MCC: variants seen among roughly 807,000 people sequenced by gnomAD.
MCC encodes the protein MCC regulator of Wnt signaling pathway, also known as colorectal mutant cancer protein.
MCC carries 90 observed loss-of-function variants against 116.2 expected under a neutral mutation model. The observed-to-expected ratio is 0.77, with a 90% confidence interval of 0.65 to 0.92. The LOEUF (loss-of-function observed/expected upper bound fraction) is 0.92. Ranked by LOEUF, MCC falls within the 40% of genes least tolerant of loss-of-function variation. The pLI, the probability that MCC is intolerant of heterozygous loss-of-function variation, is 0.00. For synonymous variants in MCC, 578 were observed against 510.5 expected, an observed-to-expected ratio of 1.13 and a Z score of -1.78; for missense variants, 1,516 against 1,312.2, an observed-to-expected ratio of 1.16 and a Z score of -2.40.
intron 1 of MCC, among the ~76,000 whole-genome samples, chr5:113,479,809 T>C (rs759933387): frequency 1.3e-5 from 2 of 152,230 alleles, no homozygotes; most frequent in East Asian, 1.9e-4. Flanking sequence ...TATGGTTTCA[T>C]TGTAGCTTTG....
At chr5:113,372,477 C>A (rs1208424537) in intron 2 of MCC, among the ~76,000 whole-genome samples, 1 of 152,086 alleles carries the variant, frequency 6.6e-6, no homozygotes, top group Non-Finnish European at 1.5e-5. Flanking sequence ...ATCCAGTGAC[C>A]TTGTACATGT....
chr5:113,114,476 C>T (rs1252128208), intron 6 of MCC, among the ~76,000 whole-genome samples: 4 of 152,288 alleles, frequency 2.6e-5, no homozygotes, highest in East Asian at 1.9e-4. Flanking sequence ...AGGTCCCTGG[C>T]GAAGCCCCAC....
intron 11 of MCC, among the ~76,000 whole-genome samples, chr5:113,075,694 C>T (rs566417862): frequency 4.3e-4 from 65 of 151,972 alleles, no homozygotes; most frequent in African/African-American, 1.5e-3. Flanking sequence ...GTGGGTGGGA[C>T]GAGATAAGGG....
chr5:113,474,339 A>G (rs1050930849), intron 1 of MCC, among the ~76,000 whole-genome samples: 1 of 152,218 alleles, frequency 6.6e-6, no homozygotes, highest in African/African-American at 2.4e-5. Context: ...ATATGGAAAC[A>G]GCCTAGAAAA....
At chr5:113,099,427 T>C (rs1432163711) in intron 8 of MCC, among the ~76,000 whole-genome samples, 1 of 152,246 alleles carries the variant, frequency 6.6e-6, no homozygotes, top group Non-Finnish European at 1.5e-5. Flanking sequence ...AATGACAGGA[T>C]GGTGTTCAAC....
chr5:113,126,727 G>C (rs1431792987), intron 5 of MCC, among the ~76,000 whole-genome samples: 1 of 152,198 alleles, frequency 6.6e-6, no homozygotes, highest in Non-Finnish European at 1.5e-5. Flanking sequence ...ACTAGTCTAT[G>C]TGTTAATTGA....
chr5:113,474,047 G>C (rs1772167982), intron 1 of MCC, among the ~76,000 whole-genome samples: 1 of 152,132 alleles, frequency 6.6e-6, no homozygotes, highest in South Asian at 2.1e-4. Flanking sequence ...TTTTAGATTA[G>C]GTAAAATGCA....
chr5:113,073,122 T>C (rs1454307770), intron 11 of MCC, among the ~76,000 whole-genome samples: 1 of 151,920 alleles, frequency 6.6e-6, no homozygotes, highest in African/African-American at 2.4e-5. Context: ...TTTGTGTTAG[T>C]GTATTTTATG....
At chr5:113,103,721 C>G (rs1167213857) in intron 7 of MCC, among the ~76,000 whole-genome samples, 1 of 152,142 alleles carries the variant, frequency 6.6e-6, no homozygotes, top group East Asian at 1.9e-4. Flanking sequence ...TATCAGTAAG[C>G]CTTGACTTTC....
chr5:113,071,272 C>G (rs780003863), intron 11 of MCC, 38 bp from the exon 12 acceptor site: 1 of 1,597,378 alleles, frequency 6.3e-7, no homozygotes, highest in South Asian at 1.1e-5. Context: ...ACTAGGGTTA[C>G]AGTTAATTTG....
intron 5 of MCC, among the ~76,000 whole-genome samples, chr5:113,130,493 A>G (rs937472962): frequency 1.1e-4 from 16 of 152,192 alleles, no homozygotes; most frequent in Non-Finnish European, 1.0e-4. Context: ...AATGAAAAAA[A>G]GGCAATATAC....
chr5:113,041,767 G>A (rs1408114297), intron 17 of MCC, among the ~76,000 whole-genome samples: 3 of 152,240 alleles, frequency 2.0e-5, no homozygotes, highest in African/African-American at 7.2e-5. Flanking sequence ...GGCCAAGGCG[G>A]TTGGATCACA....
chr5:113,192,531 GAC>G (rs1464827225), intron 3 of MCC, among the ~76,000 whole-genome samples: 2 of 152,200 alleles, frequency 1.3e-5, no homozygotes, highest in Non-Finnish European at 2.9e-5. Context: ...GTGGATTAAA[GAC>G]ACACATGCAT....
At chr5:113,299,755 G>A (rs1349768954) in intron 3 of MCC, among the ~76,000 whole-genome samples, 1 of 152,230 alleles carries the variant, frequency 6.6e-6, no homozygotes, top group East Asian at 1.9e-4. Context: ...CTTCAGCAGG[G>A]ATTAAGCTCC....
At chr5:113,265,611 C>T (rs907538945) in intron 3 of MCC, among the ~76,000 whole-genome samples, 4 of 152,090 alleles carry the variant, frequency 2.6e-5, no homozygotes, top group African/African-American at 9.7e-5. Flanking sequence ...ATGAACACAC[C>T]CCCTTTTCAT....
At chr5:113,054,019 G>C in intron 14 of MCC, 60 bp from the exon 15 acceptor site, 2 of 1,209,052 alleles carry the variant, frequency 1.7e-6, no homozygotes, top group Non-Finnish European at 2.4e-6. Flanking sequence ...ATGGCAAATA[G>C]ATCTTTCCTC....
chr5:113,374,090 A>C (rs1768913777), intron 2 of MCC, among the ~76,000 whole-genome samples: 1 of 151,808 alleles, frequency 6.6e-6, no homozygotes, highest in Non-Finnish European at 1.5e-5. Context: ...ATGGGGTTTC[A>C]CCATGTTGCC....
Position 113,043,536 on chromosome 5 carries a change from A to G in MCC, c.2750T>C (p.Ile917Thr), listed in dbSNP as rs1402627464. 4 of 1,613,970 alleles carry G rather than the reference A, an allele frequency of 2.5e-6. No homozygotes were observed. The highest frequency in any genetic ancestry group is 3.4e-6 in the Non-Finnish European group (4 of 1,179,902). Residue 917 changes from isoleucine to threonine, a missense_variant, in exon 17 of 19, where the codon ATT (isoleucine) becomes ACT (threonine). Transcript: ENST00000408903. ...NELAAEFTNA[I>T]RREKKLKARV... ...GTGGGGAAAGGGTGCTTACCGACGA[A>G]TGGCGTTGGTGAACTCCGCAGCCAG...
Position 113,310,840 on chromosome 5 carries a change from C to T in MCC, c.627+29679G>A, listed in dbSNP as rs624825. ...ACCTCCTTCAAAAGTGGACATTTCT[C>T]TGGATTCTTGAGACAACTGCATTAA... On this transcript the variant is annotated intron_variant, in intron 3 of 18. Coordinates refer to ENST00000408903, the MANE Select transcript of MCC (RefSeq NM_001085377.2). 7.0e-4 allele frequency among the ~76,000 whole-genome samples: 106 copies of T among 152,344 alleles called. 1 individual carries two copies. The East Asian group carries it at 0.015, about 21-fold the overall frequency.
Sources: allele counts gnomAD v4.1 joint callset (sites outside exome capture counted in the v4.1 genomes callset), GRCh38; gene constraint gnomAD v4.1.1; transcripts MANE v1.5; gene names NCBI Gene and HGNC (gene_info 2026-07-23, HGNC 2026-07-21).